Variants in TMEM132C observed in about 807,000 individuals in gnomAD.
TMEM132C encodes the protein transmembrane protein 132C, also known as protein phosphatase 1, regulatory subunit 152.
TMEM132C carries 29 observed loss-of-function variants against 61.4 expected under a neutral mutation model. The ratio of observed to expected loss-of-function variants is 0.47; its 90% CI spans 0.35 to 0.64. TMEM132C has a LOEUF of 0.64. TMEM132C is among the 30% of genes least tolerant of loss of function. TMEM132C has a pLI of 0.00. For missense variants in TMEM132C, 1,408 were observed against 1,476.9 expected (o/e 0.95, Z 0.76); for synonymous variants, 656 against 633.1 (o/e 1.04, Z -0.54).
At chr12:128,345,514 A>G (rs1455258494) in intron 1 of TMEM132C, among the ~76,000 whole-genome samples, 2 of 152,166 alleles carry the variant, frequency 1.3e-5, no homozygotes, top group African/African-American at 4.8e-5. Context: ...CTATTAGATA[A>G]TTTACACTCT....
At chr12:128,274,193 T>C (rs892040355) in intron 1 of TMEM132C, among the ~76,000 whole-genome samples, 1 of 152,234 alleles carries the variant, frequency 6.6e-6, no homozygotes, top group Non-Finnish European at 1.5e-5. Context: ...CCACAATGTG[T>C]ACGCATTTTT....
rs1314142658 is a variant in TMEM132C, at chr12:128,340,896, T to TTCTC, written c.85+73413_85+73416dup. ...TCCTTTCTTTTTTCTTTTTCTTTCT[T>TTCTC]TCTCTCTTTCTCTCTCTCTTTCTCT... is the stretch of plus-strand genomic sequence containing the variant. On this transcript the variant is annotated intron_variant, in intron 1 of 8. Transcript: ENST00000435159. 5.5e-3 allele frequency among the ~76,000 whole-genome samples: 738 copies of TTCTC among 133,038 alleles called. 5 individuals carry two copies. Among genetic ancestry groups the TTCTC allele is most frequent in the African/African-American group, 0.023 (717 of 31,364 alleles). 87.3% of individuals were successfully genotyped at this position (133,038 alleles called of 152,430 possible). A position where few individuals can be genotyped will look rare whatever the true frequency, so the allele number is the denominator to read the frequency against.
intron 3 of TMEM132C, among the ~76,000 whole-genome samples, chr12:128,578,077 T>C (rs1157188858): frequency 6.6e-6 from 1 of 152,260 alleles, no homozygotes; most frequent in Non-Finnish European, 1.5e-5. Flanking sequence ...GAAAAAACTG[T>C]ATCATTTGCC....
intron 2 of TMEM132C, among the ~76,000 whole-genome samples, chr12:128,495,451 T>C (rs1205193756): frequency 1.3e-5 from 2 of 152,152 alleles, no homozygotes; most frequent in Non-Finnish European, 2.9e-5. Flanking sequence ...AAGTCTCTCA[T>C]TATTATTGTG....
intron 1 of TMEM132C, among the ~76,000 whole-genome samples, chr12:128,381,232 A>G (rs1377602011): frequency 6.6e-6 from 1 of 152,176 alleles, no homozygotes; most frequent in Non-Finnish European, 1.5e-5. Context: ...TATTGGGGGA[A>G]TGCCCGTGAA....
At chr12:128,703,054 T>G (rs1954814479) in intron 8 of TMEM132C, among the ~76,000 whole-genome samples, 1 of 152,190 alleles carries the variant, frequency 6.6e-6, no homozygotes, top group South Asian at 2.1e-4. Context: ...CCTAGCACAG[T>G]GGTCAAGAGC....
At position 128,644,946 on chromosome 12, in the gene TMEM132C, G is replaced by A. The variant is rs185524680; in HGVS notation, c.1306-24471G>A. Among the ~76,000 whole-genome samples, 104 of 152,238 alleles carry A rather than the reference G, an allele frequency of 6.8e-4. 1 individual carries two copies. Among genetic ancestry groups the A allele is most frequent in the African/African-American group, 2.2e-3 (93 of 41,542 alleles). On this transcript the variant is annotated intron_variant, in intron 4 of 8. Transcript: ENST00000435159. ...ATCTATTATTTAAGTGGCAGGTGCT[G>A]GGCTTTCAACCTGTGGTTAGGGTCA...
intron 3 of TMEM132C, among the ~76,000 whole-genome samples, chr12:128,608,441 C>G (rs79886643): frequency 1.3e-5 from 2 of 152,168 alleles, no homozygotes; most frequent in African/African-American, 4.8e-5. Flanking sequence ...TGTGTCACCA[C>G]GGTTCAGAAC....
chr12:128,347,397 G>C lies in TMEM132C; in HGVS notation c.86-67335G>C, dbSNP rs564744010. Among the ~76,000 whole-genome samples the C allele has an allele frequency of 4.5e-3, 603 of 135,400 alleles. 5 individuals carry two copies. Among genetic ancestry groups the C allele is most frequent in the African/African-American group, 0.017 (566 of 32,792 alleles). The allele number at this position is 135,400 out of a possible 152,430, so 88.8% of individuals were successfully genotyped here. ...TGCTGCCATAAGCATGCATATGTAT[G>C]TCTCTCTCTCTCTCTCTCTCTCTCT... is the stretch of plus-strand genomic sequence containing the variant. On this transcript the variant is annotated intron_variant, in intron 1 of 8. Coordinates refer to ENST00000435159, the MANE Select transcript of TMEM132C (RefSeq NM_001136103.3).
chr12:128,333,888 TGTG>T (rs1434461872), intron 1 of TMEM132C, among the ~76,000 whole-genome samples: 2 of 151,372 alleles, frequency 1.3e-5, no homozygotes, highest in African/African-American at 4.9e-5. Flanking sequence ...GTGTGTGCCT[TGTG>T]TGGTGTGTGT....
chr12:128,705,236 C>T lies in TMEM132C; in HGVS notation c.2268C>T (p.Pro756=), dbSNP rs923808974. Residue 756 remains proline, a synonymous_variant, in exon 9 of 9, where the codon CCC becomes CCT. Transcript: ENST00000435159. ...CCCAGCCCCGCTCTCCCAGGTGGCC[C>T]GTTGTGGTGGCCGAAGGGGAAGGCC... ...SVPQPRSPRW[P]VVVAEGEGQG... The T allele has an allele frequency of 5.2e-6, 8 of 1,551,572 alleles. No homozygotes were observed. The highest frequency in any genetic ancestry group is 4.1e-5 in the African/African-American group (3 of 73,048).
At chr12:128,280,070 T>C (rs1870840138) in intron 1 of TMEM132C, among the ~76,000 whole-genome samples, 1 of 152,208 alleles carries the variant, frequency 6.6e-6, no homozygotes, top group South Asian at 2.1e-4. Flanking sequence ...CTCTTGAATC[T>C]TGATAGCCCA....
At chr12:128,340,701 C>T (rs1339069207) in intron 1 of TMEM132C, among the ~76,000 whole-genome samples, 1 of 151,478 alleles carries the variant, frequency 6.6e-6, no homozygotes, top group African/African-American at 2.4e-5. Context: ...TTCTTTCTTT[C>T]TCTTTCTTTC....
chr12:128,577,568 GA>G (rs1374397154), intron 3 of TMEM132C, among the ~76,000 whole-genome samples: 2 of 152,206 alleles, frequency 1.3e-5, no homozygotes, highest in African/African-American at 4.8e-5. Flanking sequence ...CCCAAGCCTT[GA>G]AAATGTTCCT....
chr12:128,683,972 AAATAAATAAAT>A (rs1954655037), intron 5 of TMEM132C, among the ~76,000 whole-genome samples: 1 of 27,234 alleles, frequency 3.7e-5, no homozygotes, highest in Non-Finnish European at 7.1e-5. Context: ...GTTTGAAATT[AAATAAATAAAT>A]AAATAAATAA....
intron 3 of TMEM132C, among the ~76,000 whole-genome samples, chr12:128,597,172 G>T (rs533566086): frequency 1.1e-4 from 16 of 152,306 alleles, no homozygotes; most frequent in Non-Finnish European, 2.1e-4. Flanking sequence ...AAATAGCCAT[G>T]CTGTCCCCAA....
intron 4 of TMEM132C, among the ~76,000 whole-genome samples, chr12:128,629,238 G>A (rs1954045416): frequency 6.6e-6 from 1 of 152,218 alleles, no homozygotes; most frequent in Non-Finnish European, 1.5e-5. Context: ...ACCTGGGACA[G>A]TTTCAGTGGC....
At chr12:128,314,717 G>A (rs570724174) in intron 1 of TMEM132C, among the ~76,000 whole-genome samples, 2 of 152,284 alleles carry the variant, frequency 1.3e-5, no homozygotes, top group South Asian at 2.1e-4. Flanking sequence ...CAGGACTGCC[G>A]GCGGCCACCA....
At chr12:128,682,913 C>G (rs1954646819) in intron 5 of TMEM132C, among the ~76,000 whole-genome samples, 1 of 152,218 alleles carries the variant, frequency 6.6e-6, no homozygotes, top group African/African-American at 2.4e-5. Context: ...GCATCTGGAA[C>G]AGGGCACTCT....
Sources: allele counts gnomAD v4.1 joint callset (sites outside exome capture counted in the v4.1 genomes callset), GRCh38; gene constraint gnomAD v4.1.1; transcripts MANE v1.5; gene names NCBI Gene and HGNC (gene_info 2026-07-23, HGNC 2026-07-21).